Variants in ZNF277 observed in about 807,000 individuals in gnomAD.
ZNF277 encodes zinc finger protein 277.
ZNF277 carries 55 observed loss-of-function variants against 60.7 expected under a neutral mutation model. That is an observed-to-expected ratio of 0.91 (90% confidence interval 0.73 to 1.13). The LOEUF is 1.13. Among genes scored for constraint, ZNF277 ranks in the 50% most tolerant of loss-of-function variants. The pLI, the probability that ZNF277 is intolerant of heterozygous loss-of-function variation, is 0.00. For synonymous variants in ZNF277, 178 were observed against 179.3 expected, an observed-to-expected ratio of 0.99 and a Z score of 0.06; for missense variants, 510 against 523.0, an observed-to-expected ratio of 0.98 and a Z score of 0.24.
intron 1 of ZNF277, among the ~76,000 whole-genome samples, chr7:112,207,517 A>G (rs946006449): frequency 6.6e-6 from 1 of 152,228 alleles, no homozygotes; most frequent in Non-Finnish European, 1.5e-5. Context: ...TTTGAAAACC[A>G]TCACAACTTT....
chr7:112,291,408 T>G (rs974529457), intron 2 of ZNF277, among the ~76,000 whole-genome samples: 3 of 152,212 alleles, frequency 2.0e-5, no homozygotes, highest in African/African-American at 4.8e-5. Flanking sequence ...AAAAAGTATT[T>G]GCTGATGACC....
intron 1 of ZNF277, among the ~76,000 whole-genome samples, chr7:112,254,958 G>A (rs1563205363): frequency 6.6e-6 from 1 of 152,110 alleles, no homozygotes; most frequent in Admixed American, 6.6e-5. Flanking sequence ...GGGTGACAGA[G>A]CCAGATCCTG....
At position 112,216,803 on chromosome 7, in the gene ZNF277, A is replaced by G. The variant is rs949943905; in HGVS notation, c.91+9996A>G. On this transcript the variant is annotated intron_variant, in intron 1 of 11. Coordinates refer to ENST00000361822, the MANE Select transcript of ZNF277 (RefSeq NM_021994.3). ...TAAAAAGAAAAAGAAAAATCTGGAT[A>G]TGGCCTGAAGAATTAGTTGCACATG... Among the ~76,000 whole-genome samples the G allele has an allele frequency of 8.5e-5, 13 of 152,360 alleles. No individual in the cohort carries two copies. In the East Asian group the frequency reaches 1.9e-3, roughly 23 times the overall value.
At chr7:112,232,038 AATACATATATAT>A (rs1195691668) in intron 1 of ZNF277, among the ~76,000 whole-genome samples, 4 of 100,656 alleles carry the variant, frequency 4.0e-5, no homozygotes, top group African/African-American at 1.4e-4. Flanking sequence ...AAAATAAATA[AATACATATATAT>A]ATATATATAT....
intron 1 of ZNF277, among the ~76,000 whole-genome samples, chr7:112,216,365 A>C (rs1244078359): frequency 6.6e-6 from 1 of 152,168 alleles, no homozygotes; most frequent in East Asian, 1.9e-4. Flanking sequence ...GCTGGAGTGC[A>C]GTGGCATGAT....
At chr7:112,334,183 GTGTA>G (rs1292224631) in intron 7 of ZNF277, among the ~76,000 whole-genome samples, 1 of 152,094 alleles carries the variant, frequency 6.6e-6, no homozygotes, top group East Asian at 1.9e-4. Flanking sequence ...ACATGTAAGT[GTGTA>G]TGTATTAGGG....
intron 5 of ZNF277, among the ~76,000 whole-genome samples, chr7:112,318,616 G>A (rs1792897977): frequency 6.6e-6 from 1 of 151,956 alleles, no homozygotes; most frequent in Non-Finnish European, 1.5e-5. Context: ...TTCACTTTTG[G>A]TTATTAAAAA....
At chr7:112,306,343 T>C (rs2117093229) in intron 4 of ZNF277, among the ~76,000 whole-genome samples, 1 of 152,010 alleles carries the variant, frequency 6.6e-6, no homozygotes, top group Non-Finnish European at 1.5e-5. Flanking sequence ...GCCTCCTGAG[T>C]AGCTGGGGTT....
intron 7 of ZNF277, among the ~76,000 whole-genome samples, chr7:112,332,771 C>G (rs939864305): frequency 6.6e-6 from 1 of 152,060 alleles, no homozygotes; most frequent in Non-Finnish European, 1.5e-5. Flanking sequence ...TGTGTTGATG[C>G]CTTAGCATTA....
At chr7:112,306,606 C>T (rs1325998721) in intron 4 of ZNF277, among the ~76,000 whole-genome samples, 16 of 152,002 alleles carry the variant, frequency 1.1e-4, no homozygotes, top group Admixed American at 1.0e-3. Flanking sequence ...CTTTACTGGT[C>T]CCTAAACATA....
At chr7:112,296,102 C>A in intron 3 of ZNF277, 127 bp from the exon 4 acceptor site, 1 of 996,726 alleles carries the variant, frequency 1.0e-6, no homozygotes, top group African/African-American at 1.6e-5. Context: ...TTGAATAAAG[C>A]TAAAACAGTT....
rs1447133961 is a variant in ZNF277 at position 112,285,638 on chromosome 7, G to A, written c.92-1235G>A. On this transcript the variant is annotated intron_variant, in intron 1 of 11. Transcript: ENST00000361822. ...TTTAGTAGAGACGGGGTTTTACCAT[G>A]TTGGCCAGGCTGGTCTCAAACTCCT... 2.6e-5 allele frequency among the ~76,000 whole-genome samples: 4 copies of A among 151,734 alleles called. No individual in the cohort carries two copies. The East Asian group carries it at 7.8e-4, about 30-fold the overall frequency.
At chr7:112,331,771 C>T (rs1013251465) in intron 7 of ZNF277, among the ~76,000 whole-genome samples, 3 of 152,194 alleles carry the variant, frequency 2.0e-5, no homozygotes, top group African/African-American at 7.2e-5. Context: ...GGACCCAGCC[C>T]AGTCTAATAG....
chr7:112,222,312 T>A (rs879612832), intron 1 of ZNF277, among the ~76,000 whole-genome samples: 7 of 152,184 alleles, frequency 4.6e-5, no homozygotes, highest in Non-Finnish European at 1.0e-4. Flanking sequence ...CATCGTTAGG[T>A]CTTGGGCTTT....
rs75831416 is a variant in ZNF277, at chr7:112,251,384, G to A, written c.92-35489G>A. Among the ~76,000 whole-genome samples the A allele has an allele frequency of 9.0e-3, 1,374 of 152,304 alleles. 16 individuals carry two copies. Among genetic ancestry groups the A allele is most frequent in the African/African-American group, 0.031 (1,290 of 41,558 alleles). On this transcript the variant is annotated intron_variant, in intron 1 of 11. Transcript: ENST00000361822. ...GATTTTATATAATGGGATTTTATGT[G>A]AGATAATTTGGAGAGAGTTCCATAA...
chr7:112,214,832 T>G lies in ZNF277; in HGVS notation c.91+8025T>G, dbSNP rs551347825. Among the ~76,000 whole-genome samples the G allele has an allele frequency of 5.3e-4, 80 of 152,172 alleles. 1 individual carries two copies. In the South Asian group the frequency reaches 8.9e-3, roughly 17 times the overall value. On this transcript the variant is annotated intron_variant, in intron 1 of 11. Coordinates refer to ENST00000361822, the MANE Select transcript of ZNF277 (RefSeq NM_021994.3). ...TAATCAATGTACAGTATTGAATCAG[T>G]AAAATATGTAGAAGGAAAAACTGGA...
chr7:112,245,277 A>G (rs182791927), intron 1 of ZNF277, among the ~76,000 whole-genome samples: 69 of 152,296 alleles, frequency 4.5e-4, no homozygotes, highest in African/African-American at 1.6e-3. Context: ...TTTGGGATCA[A>G]TCCATAGATT....
intron 1 of ZNF277, among the ~76,000 whole-genome samples, chr7:112,225,971 A>G (rs769176451): frequency 3.3e-5 from 5 of 152,188 alleles, no homozygotes; most frequent in Non-Finnish European, 5.9e-5. Context: ...TTAGTGTGCT[A>G]ATTTTTGTGA....
chr7:112,219,044 C>T (rs1587084303), intron 1 of ZNF277, among the ~76,000 whole-genome samples: 1 of 152,212 alleles, frequency 6.6e-6, no homozygotes, highest in Non-Finnish European at 1.5e-5. Flanking sequence ...AACCTCCATG[C>T]TGTTTTCCAT....
Sources: gnomAD v4.1 joint callset for allele counts (sites outside exome capture counted in the v4.1 genomes callset) on GRCh38, gnomAD v4.1.1 for gene constraint, MANE v1.5 for transcripts, NCBI Gene and HGNC (gene_info 2026-07-23, HGNC 2026-07-21) for gene names.